The following SRD5A2 variants were observed in gnomAD, a reference collection of about 807,000 sequenced individuals.
SRD5A2 encodes 3-oxo-5-alpha-steroid 4-dehydrogenase 2.
SRD5A2 carries 30 observed loss-of-function variants against 27.4 expected under a neutral mutation model. The ratio of observed to expected loss-of-function variants is 1.10; its 90% CI spans 0.82 to 1.49. The LOEUF is 1.49. SRD5A2 is among the 40% of genes most tolerant of loss of function. SRD5A2 has a pLI of 0.00. For missense variants in SRD5A2, 348 were observed against 323.4 expected (o/e 1.08, Z -0.58); for synonymous variants, 141 against 133.6 (o/e 1.06, Z -0.38).
intron 1 of SRD5A2, among the ~76,000 whole-genome samples, chr2:31,546,002 G>A (rs1269473538): frequency 6.6e-6 from 1 of 152,148 alleles, no homozygotes; most frequent in African/African-American, 2.4e-5. Context: ...ATTAACTAAA[G>A]ACGTGAAAGA....
Position 31,570,615 on chromosome 2 carries a change from A to G in SRD5A2, c.281+10005T>C, listed in dbSNP as rs142647261. Among the ~76,000 whole-genome samples, 927 of 152,322 alleles carry G rather than the reference A, an allele frequency of 6.1e-3. 12 individuals are homozygous for G. The highest frequency in any genetic ancestry group is 0.021 in the African/African-American group (870 of 41,572). ...CTGTTTGCAGATGATGTGATTCTAT[A>G]CCTGGAACACCCCATAGTCTCTTCC... On this transcript the variant is annotated intron_variant, in intron 1 of 4. Transcript: ENST00000622030.
At chr2:31,531,599 C>T (rs1240502347) in intron 2 of SRD5A2, 127 bp from the exon 3 acceptor site, 13 of 511,488 alleles carry the variant, frequency 2.5e-5, no homozygotes, top group East Asian at 7.1e-5. Context: ...GGTCCTAAGA[C>T]GTGGCAGAAA....
chr2:31,599,118 A>G, the SRD5A2 span, among the ~76,000 whole-genome samples: 308 of 152,128 alleles, frequency 2.0e-3, 1 homozygote, highest in African/African-American at 7.0e-3. Context: ...AGGATGTAAC[A>G]ATTGTAAATA....
At chr2:31,563,475 C>CA (rs1204985450) in intron 1 of SRD5A2, 2 of 152,186 alleles carry the variant, frequency 1.3e-5, no homozygotes, top group East Asian at 3.9e-4. Flanking sequence ...AAATGACTCA[C>CA]ACCACCTCAT....
rs201018300 is a variant in SRD5A2, at chr2:31,533,607, G to A, written c.441C>T (p.Ser147=). 1.3e-4 allele frequency: 204 copies of A among 1,551,734 alleles called. 3 individuals carry two copies. In the East Asian group the frequency reaches 3.6e-3, roughly 28 times the overall value. ...GAAGTGGGCAGATTCACTTACCCAA[G>A]CTAAACCGTATGTCTGTGTACCACC... is the stretch of plus-strand genomic sequence containing the variant. ...PDGWYTDIRF[S]LGVFLFILGM... Residue 147 remains serine (S), a synonymous_variant, in exon 2 of 5, where the codon AGC becomes AGT. Coordinates refer to ENST00000622030, the MANE Select transcript of SRD5A2 (RefSeq NM_000348.4).
At chr2:31,601,728 T>A in the SRD5A2 span, among the ~76,000 whole-genome samples, 1 of 152,082 alleles carries the variant, frequency 6.6e-6, no homozygotes, top group Admixed American at 6.6e-5. Flanking sequence ...CAAGTAGGCT[T>A]CATCCCCAGT....
intron 1 of SRD5A2, among the ~76,000 whole-genome samples, chr2:31,555,411 T>C (rs1666475300): frequency 6.6e-6 from 1 of 152,180 alleles, no homozygotes; most frequent in Non-Finnish European, 1.5e-5. Context: ...TGCTATCACA[T>C]TGGTTGTCTC....
chr2:31,542,288 C>T (rs372887233), intron 1 of SRD5A2, among the ~76,000 whole-genome samples: 1 of 152,274 alleles, frequency 6.6e-6, no homozygotes, highest in Non-Finnish European at 1.5e-5. Context: ...ACACCTACTA[C>T]ATACCCAAAA....
At chr2:31,603,360 T>C in the SRD5A2 span, among the ~76,000 whole-genome samples, 1 of 152,042 alleles carries the variant, frequency 6.6e-6, no homozygotes, top group Non-Finnish European at 1.5e-5. Context: ...AGGTACCATC[T>C]CATGCCAGTC....
At position 31,531,426 on chromosome 2, in the gene SRD5A2, G is replaced by C; in HGVS notation, c.492C>G (p.Asp164Glu). 1 of 1,601,630 alleles carries C rather than the reference G, an allele frequency of 6.2e-7. No individual in the cohort carries two copies. The highest frequency in any genetic ancestry group is 8.5e-7 in the Non-Finnish European group (1 of 1,173,768). The stretch of plus-strand genomic sequence containing the variant: ...GCTTCCTGAGCTGGCGCAATATATA[G>C]TCACTATGAATGTTTATTCCCATTC... The part of the protein sequence containing the change: ...ILGMGINIHS[D>E]YILRQLRKPG... Residue 164 changes from aspartate to glutamate, a missense_variant, in exon 3 of 5, where the codon GAC (aspartate) becomes GAG (glutamate). Coordinates refer to ENST00000622030, the MANE Select transcript of SRD5A2 (RefSeq NM_000348.4).
intron 1 of SRD5A2, among the ~76,000 whole-genome samples, chr2:31,578,749 A>G (rs1054094565): frequency 6.6e-6 from 1 of 152,160 alleles, no homozygotes; most frequent in African/African-American, 2.4e-5. Context: ...GAAGGACAAT[A>G]TGTAGATATT....
At chr2:31,580,069 T>C (rs530779888) in intron 1 of SRD5A2, among the ~76,000 whole-genome samples, 52 of 152,290 alleles carry the variant, frequency 3.4e-4, no homozygotes, top group African/African-American at 1.2e-3. Flanking sequence ...ATTTGGGCTC[T>C]ACCCACCTTC....
the SRD5A2 span, among the ~76,000 whole-genome samples, chr2:31,645,075 C>A: frequency 6.6e-6 from 1 of 152,142 alleles, no homozygotes; most frequent in Non-Finnish European, 1.5e-5. Context: ...TTTGTGTCAG[C>A]TATAACCCTA....
At chr2:31,661,512 G>A in the SRD5A2 span, among the ~76,000 whole-genome samples, 1 of 152,152 alleles carries the variant, frequency 6.6e-6, no homozygotes, top group Non-Finnish European at 1.5e-5. Flanking sequence ...AACCATCTTT[G>A]AAAAGGTAGT....
intron 1 of SRD5A2, among the ~76,000 whole-genome samples, chr2:31,535,457 T>G (rs1425858572): frequency 1.3e-5 from 2 of 152,244 alleles, no homozygotes. Context: ...GCTGCTCAAG[T>G]GTTCTCAGGA....
the SRD5A2 span, among the ~76,000 whole-genome samples, chr2:31,654,135 C>T: frequency 2.8e-4 from 42 of 150,670 alleles, no homozygotes; most frequent in East Asian, 5.9e-3. Context: ...CCAGCAAAAA[C>T]ATACAGTTCC....
chr2:31,527,338 A>G (rs1253792321), intron 4 of SRD5A2, among the ~76,000 whole-genome samples: 1 of 152,172 alleles, frequency 6.6e-6, no homozygotes, highest in East Asian at 1.9e-4. Flanking sequence ...GGCAAATAAT[A>G]AGTTACAAAA....
At chr2:31,531,321 G>C (rs373579633) in intron 3 of SRD5A2, 50 bp downstream of exon 3, 61 of 1,359,198 alleles carry the variant, frequency 4.5e-5, no homozygotes, top group Admixed American at 8.0e-5. Context: ...CATCATCCCT[G>C]GGACAGGCTC....
At chr2:31,609,119 G>T in the SRD5A2 span, among the ~76,000 whole-genome samples, 1 of 151,980 alleles carries the variant, frequency 6.6e-6, no homozygotes, top group Non-Finnish European at 1.5e-5. Context: ...CCTTCATCTT[G>T]GATTTCCACT....
Sources: gnomAD v4.1 joint callset for allele counts (sites outside exome capture counted in the v4.1 genomes callset) on GRCh38, gnomAD v4.1.1 for gene constraint, MANE v1.5 for transcripts, NCBI Gene and HGNC (gene_info 2026-07-23, HGNC 2026-07-21) for gene names.